The following COL21A1 variants were observed in gnomAD, a reference collection of about 807,000 sequenced individuals.
The protein encoded by COL21A1 is collagen type XXI alpha 1 chain.
In COL21A1, 149 loss-of-function variants were observed where a neutral mutation model predicts 137.9. The ratio of observed to expected loss-of-function variants is 1.08; its 90% CI spans 0.95 to 1.24. The LOEUF is 1.24. Among genes scored for constraint, COL21A1 ranks in the 50% most tolerant of loss-of-function variants. COL21A1 has a pLI of 0.00. For missense variants in COL21A1, 1,167 were observed against 1,158.4 expected (o/e 1.01, Z -0.11); for synonymous variants, 456 against 391.5 (o/e 1.16, Z -1.95).
intron 1 of COL21A1, among the ~76,000 whole-genome samples, chr6:56,198,176 T>A (rs1484436249): frequency 6.6e-6 from 1 of 151,366 alleles, no homozygotes; most frequent in Admixed American, 6.6e-5. Context: ...AAAGTCAAAC[T>A]CAGAAACAGA....
At chr6:56,103,417 T>G (rs991708000) in intron 16 of COL21A1, among the ~76,000 whole-genome samples, 5 of 152,172 alleles carry the variant, frequency 3.3e-5, no homozygotes, top group Non-Finnish European at 5.9e-5. Context: ...ACTTGCCAAA[T>G]AGTAGAAACA....
chr6:56,201,116 C>CT (rs1236111555), intron 1 of COL21A1, among the ~76,000 whole-genome samples: 1 of 152,066 alleles, frequency 6.6e-6, no homozygotes, highest in Non-Finnish European at 1.5e-5. Flanking sequence ...TGAGAAGTGT[C>CT]TGTTCATATC....
At chr6:56,206,696 A>ATGT (rs1561983757) in intron 1 of COL21A1, among the ~76,000 whole-genome samples, 53 of 14,808 alleles carry the variant, frequency 3.6e-3, no homozygotes, top group East Asian at 0.016. Flanking sequence ...ATAAATAAAT[A>ATGT]AATATATATA....
At chr6:56,317,163 T>C in intron 1 of COL21A1, among the ~76,000 whole-genome samples, 1 of 152,168 alleles carries the variant, frequency 6.6e-6, no homozygotes, top group East Asian at 1.9e-4. Flanking sequence ...TCAACCTTGG[T>C]TCGCTTATAG....
Position 56,164,450 on chromosome 6 carries a change from C to A in COL21A1, c.1344G>T (p.Pro448=). ...GSTPAPCICP[P]GKPGLQGPKG... is the part of the protein sequence containing the mutation. ...TGGGGCCTTGAAGTCCTGGTTTTCC[C>A]GGAGGACAAATACAGGGAGCTGGAG... The change falls in exon 9 of 30, where the codon CCG becomes CCT. Residue 448 remains proline (P), a synonymous_variant. Transcript: ENST00000244728. 6.3e-7 allele frequency: 1 copy of A among 1,588,784 alleles called. No homozygotes were observed. Among genetic ancestry groups the A allele is most frequent in the South Asian group, 1.2e-5 (1 of 86,854 alleles).
At chr6:56,063,678 C>T (rs1766000431) in intron 24 of COL21A1, among the ~76,000 whole-genome samples, 3 of 151,980 alleles carry the variant, frequency 2.0e-5, no homozygotes, top group Admixed American at 2.0e-4. Context: ...AACCTTGGGG[C>T]CCTATGCTTA....
rs569086716 is a variant in COL21A1, at chr6:56,117,905, T to C, written c.1758+6157A>G. On this transcript the variant is annotated intron_variant, in intron 16 of 29. Coordinates refer to ENST00000244728, the MANE Select transcript of COL21A1 (RefSeq NM_030820.4). ...AGCAAGTAATCATGGAAACACAGCATACCAAAATCTATGGGATACAGCAAA... is the reference window on the plus strand; with the variant it reads ...AGCAAGTAATCATGGAAACACAGCACACCAAAATCTATGGGATACAGCAAA... 1.4e-4 allele frequency among the ~76,000 whole-genome samples: 22 copies of C among 151,932 alleles called. 1 individual carries two copies. The highest frequency in any genetic ancestry group is 1.4e-3 in the Admixed American group (21 of 15,254).
chr6:56,238,137 A>G (rs1209686202), intron 1 of COL21A1, among the ~76,000 whole-genome samples: 1 of 152,080 alleles, frequency 6.6e-6, no homozygotes, highest in Non-Finnish European at 1.5e-5. Context: ...AAAGTACTCT[A>G]CTATAAGCAG....
chr6:56,131,730 G>A (rs557790924), intron 12 of COL21A1, among the ~76,000 whole-genome samples: 4 of 152,172 alleles, frequency 2.6e-5, no homozygotes, highest in African/African-American at 9.6e-5. Flanking sequence ...GCTGCTATTG[G>A]CTGGAATCAA....
chr6:56,325,639 A>AATCTAT (rs1180100033), intron 1 of COL21A1, among the ~76,000 whole-genome samples: 123 of 272 alleles, frequency 0.45, 49 homozygotes, highest in Non-Finnish European at 0.61. Context: ...TATATATAAT[A>AATCTAT]TATAATATAA....
intron 1 of COL21A1, among the ~76,000 whole-genome samples, chr6:56,374,941 G>T (rs1354853283): frequency 6.8e-6 from 1 of 146,930 alleles, no homozygotes; most frequent in Non-Finnish European, 1.5e-5. Flanking sequence ...GTGGAAATTT[G>T]CCAGGAAACT....
chr6:56,089,964 G>A (rs1379101468), intron 17 of COL21A1, among the ~76,000 whole-genome samples: 2 of 152,182 alleles, frequency 1.3e-5, no homozygotes, highest in Non-Finnish European at 2.9e-5. Context: ...ACTTCTGGCT[G>A]GGCGCAGTGG....
At position 56,126,197 on chromosome 6, in the gene COL21A1, A is replaced by G. The variant is rs1416179391; in HGVS notation, c.1543-48T>C. ...TTACAAAGAAAAACCATTCCAGCCTAAACAATATCATCATCTATTCTTCAA... is the reference window on the plus strand; with the variant it reads ...TTACAAAGAAAAACCATTCCAGCCTGAACAATATCATCATCTATTCTTCAA... On this transcript the variant is annotated intron_variant, in intron 12 of 29. Transcript: ENST00000244728. The G allele has an allele frequency of 3.3e-6, 4 of 1,195,682 alleles. No individual in the cohort carries two copies. In the South Asian group the frequency reaches 4.0e-5, roughly 12 times the overall value. The allele number at this position is 1,195,682 out of a possible 1,614,324, so 74.1% of individuals were successfully genotyped here.
intron 5 of COL21A1, among the ~76,000 whole-genome samples, chr6:56,169,038 C>G (rs951426235): frequency 6.6e-6 from 1 of 151,950 alleles, no homozygotes; most frequent in Admixed American, 6.6e-5. Context: ...CATTTCCCTA[C>G]GTAATAGCAT....
intron 1 of COL21A1, among the ~76,000 whole-genome samples, chr6:56,230,825 T>C (rs373512920): frequency 1.3e-5 from 2 of 151,920 alleles, no homozygotes; most frequent in Non-Finnish European, 2.9e-5. Flanking sequence ...ATCAATTTAG[T>C]TTCAAATTTT....
chr6:56,067,485 G>C (rs1766370529), intron 22 of COL21A1, among the ~76,000 whole-genome samples, 155 bp from the exon 23 acceptor site: 1 of 151,690 alleles, frequency 6.6e-6, no homozygotes, highest in Non-Finnish European at 1.5e-5. Flanking sequence ...CAATACTTGG[G>C]AAGGGAGCAG....
chr6:56,325,773 T>C (rs377146350), intron 1 of COL21A1, among the ~76,000 whole-genome samples: 1 of 340 alleles, frequency 2.9e-3, no homozygotes, highest in African/African-American at 5.1e-3. Flanking sequence ...ATATATTATA[T>C]ATATTTATAT....
chr6:56,277,471 G>A (rs1189323268), intron 1 of COL21A1, among the ~76,000 whole-genome samples: 2 of 152,152 alleles, frequency 1.3e-5, no homozygotes, highest in African/African-American at 4.8e-5. Context: ...TGTTACTGCA[G>A]CTAGCATACA....
At chr6:56,101,593 T>A (rs1294118734) in intron 16 of COL21A1, 68 bp from the exon 17 acceptor site, 3 of 1,076,786 alleles carry the variant, frequency 2.8e-6, no homozygotes, top group Non-Finnish European at 4.2e-6. Context: ...AATAACAATA[T>A]ATAACATTAC....
Sources: allele counts gnomAD v4.1 joint callset (sites outside exome capture counted in the v4.1 genomes callset), GRCh38; gene constraint gnomAD v4.1.1; transcripts MANE v1.5; gene names NCBI Gene and HGNC (gene_info 2026-07-23, HGNC 2026-07-21).